GRK3: variants seen among roughly 807,000 people sequenced by gnomAD.
GRK3 encodes the protein G protein-coupled receptor kinase 3, also known as adrenergic, beta, receptor kinase 2.
GRK3 carries 54 observed loss-of-function variants against 95.7 expected under a neutral mutation model. That is an observed-to-expected ratio of 0.56 (90% confidence interval 0.45 to 0.71). The LOEUF is 0.71. Among genes scored for constraint, GRK3 ranks in the 30% least tolerant of loss-of-function variants. The pLI, the probability that GRK3 is intolerant of heterozygous loss-of-function variation, is 0.00. For synonymous variants in GRK3, 281 were observed against 290.8 expected, an observed-to-expected ratio of 0.97 and a Z score of 0.34; for missense variants, 649 against 851.2, an observed-to-expected ratio of 0.76 and a Z score of 2.96.
intron 13 of GRK3, among the ~76,000 whole-genome samples, chr22:25,703,162 C>T (rs2085271635): frequency 6.6e-6 from 1 of 152,144 alleles, no homozygotes; most frequent in Non-Finnish European, 1.5e-5. Flanking sequence ...TTAGCTCGAA[C>T]TCTCATATGA....
intron 3 of GRK3, among the ~76,000 whole-genome samples, chr22:25,657,928 C>T (rs112603807): frequency 3.9e-5 from 6 of 151,970 alleles, no homozygotes; most frequent in African/African-American, 1.4e-4. Context: ...GATTTGTCTT[C>T]AAATTTATTG....
At chr22:25,585,125 G>A (rs111471822) in intron 1 of GRK3, among the ~76,000 whole-genome samples, 1 of 152,230 alleles carries the variant, frequency 6.6e-6, no homozygotes. Flanking sequence ...TTGTAGAACA[G>A]CTCTGCCTGC....
chr22:25,691,524 G>A (rs182373096), intron 12 of GRK3, among the ~76,000 whole-genome samples: 2 of 152,206 alleles, frequency 1.3e-5, no homozygotes, highest in Admixed American at 1.3e-4. Context: ...TCTGGGATAT[G>A]GTGATAAAAG....
At chr22:25,671,052 C>CAAAACA (rs961289430) in intron 6 of GRK3, among the ~76,000 whole-genome samples, 11 of 142,588 alleles carry the variant, frequency 7.7e-5, no homozygotes, top group South Asian at 4.6e-4. Flanking sequence ...GACTCCATCT[C>CAAAACA]AAAACAAAAA....
chr22:25,599,527 G>A (rs2084394754), intron 1 of GRK3, among the ~76,000 whole-genome samples: 1 of 150,504 alleles, frequency 6.6e-6, no homozygotes, highest in Admixed American at 6.6e-5. Context: ...GGGAGGCGGA[G>A]CTTGCAGTGA....
chr22:25,705,698 C>T (rs2085294577), intron 15 of GRK3, among the ~76,000 whole-genome samples: 1 of 152,124 alleles, frequency 6.6e-6, no homozygotes, highest in South Asian at 2.1e-4. Context: ...CAGCCTGCAG[C>T]TGCAATGAAA....
intron 15 of GRK3, among the ~76,000 whole-genome samples, chr22:25,707,517 G>A (rs1431697684): frequency 6.6e-6 from 1 of 152,168 alleles, no homozygotes; most frequent in Admixed American, 6.5e-5. Flanking sequence ...GGAAAGCCAT[G>A]GTGTAGAATT....
intron 14 of GRK3, among the ~76,000 whole-genome samples, 172 bp downstream of exon 14, chr22:25,703,748 G>T (rs2085276961): frequency 6.6e-6 from 1 of 152,196 alleles, no homozygotes; most frequent in Non-Finnish European, 1.5e-5. Flanking sequence ...ATTTCTAAAA[G>T]AATTTCTAGG....
At chr22:25,624,919 C>CTTT (rs552338056) in intron 2 of GRK3, among the ~76,000 whole-genome samples, 1 of 142,190 alleles carries the variant, frequency 7.0e-6, no homozygotes. Flanking sequence ...TGATGAATCT[C>CTTT]TTTTTTTTTT....
intron 19 of GRK3, among the ~76,000 whole-genome samples, chr22:25,719,222 T>C (rs978096338): frequency 2.0e-5 from 3 of 151,984 alleles, no homozygotes; most frequent in Admixed American, 1.3e-4. Context: ...TCCATGTGTT[T>C]GGGAACCTTT....
At chr22:25,679,026 G>C (rs919486925) in intron 9 of GRK3, 111 bp downstream of exon 9, 8 of 695,458 alleles carry the variant, frequency 1.2e-5, no homozygotes, top group Non-Finnish European at 1.9e-5. Flanking sequence ...GTTCTTGGGT[G>C]GGTTAGAATC....
chr22:25,701,389 C>A (rs540354855), intron 13 of GRK3, among the ~76,000 whole-genome samples: 1 of 152,350 alleles, frequency 6.6e-6, no homozygotes, highest in Admixed American at 6.5e-5. Context: ...AACAGATGTG[C>A]ATCAAGATTT....
At chr22:25,651,908 A>G (rs772922113) in intron 3 of GRK3, among the ~76,000 whole-genome samples, 12 of 152,168 alleles carry the variant, frequency 7.9e-5, no homozygotes, top group Non-Finnish European at 1.5e-4. Flanking sequence ...TTTACCAAAA[A>G]AGGAAGTTAG....
chr22:25,655,589 G>A (rs2084865057), intron 3 of GRK3, among the ~76,000 whole-genome samples: 2 of 152,082 alleles, frequency 1.3e-5, no homozygotes, highest in South Asian at 4.1e-4. Context: ...TTGTGTGTGT[G>A]TGGTCAGCAT....
intron 2 of GRK3, among the ~76,000 whole-genome samples, chr22:25,610,764 A>T (rs952806472): frequency 3.3e-5 from 5 of 152,250 alleles, no homozygotes; most frequent in African/African-American, 1.2e-4. Flanking sequence ...TTAACTTAGC[A>T]TAAGGTTTCT....
chr22:25,647,147 G>A, intron 3 of GRK3: 1 of 421,016 alleles, frequency 2.4e-6, no homozygotes. Context: ...TGGAGGACGA[G>A]GAGGTGGAGG....
At chr22:25,583,357 C>CTTTTTTTTTTTTTTT (rs113355685) in intron 1 of GRK3, among the ~76,000 whole-genome samples, 1 of 135,576 alleles carries the variant, frequency 7.4e-6, no homozygotes, top group African/African-American at 2.8e-5. Context: ...TTTCTGTGTA[C>CTTTTTTTTTTTTTTT]TTTTTTTTTT....
rs2085484376 is a variant in GRK3, at chr22:25,727,522, G to C, written c.*5072G>C. 1 of 152,240 alleles carries C rather than the reference G, an allele frequency of 6.6e-6. No individual in the cohort carries two copies. The highest frequency in any genetic ancestry group is 6.5e-5 in the Admixed American group (1 of 15,280). 9.4% of individuals were successfully genotyped at this position (152,240 alleles called of 1,614,324 possible). ...GCTGTGTTAGCACTGATTGAGAAAC[G>C]CAGGCTCCCAAATTTTAAATTGCCT... On this transcript the variant is annotated 3_prime_UTR_variant, in exon 21 of 21. Coordinates refer to ENST00000324198, the MANE Select transcript of GRK3 (RefSeq NM_005160.4).
intron 1 of GRK3, among the ~76,000 whole-genome samples, chr22:25,601,971 A>G (rs753253091): frequency 2.0e-5 from 3 of 152,216 alleles, no homozygotes; most frequent in Non-Finnish European, 4.4e-5. Flanking sequence ...AGAAATGTCA[A>G]TAAATTGGAA....
Sources: allele counts gnomAD v4.1 joint callset (sites outside exome capture counted in the v4.1 genomes callset), GRCh38; gene constraint gnomAD v4.1.1; transcripts MANE v1.5; gene names NCBI Gene and HGNC (gene_info 2026-07-23, HGNC 2026-07-21).